PKIA: variants seen among roughly 807,000 people sequenced by gnomAD.
The protein encoded by PKIA is PKI-alpha.
In PKIA, 4 loss-of-function variants were observed where a neutral mutation model predicts 7.6. The observed-to-expected ratio is 0.52, with a 90% CI of 0.26 to 1.20. The LOEUF (loss-of-function observed/expected upper bound fraction) is 1.20, where lower values mean the gene tolerates loss of function less well. Among genes scored for constraint, PKIA ranks in the 50% most tolerant of loss-of-function variants. The pLI, the probability that PKIA is intolerant of heterozygous loss-of-function variation, is 0.13. For missense variants in PKIA, 73 were observed against 86.2 expected (o/e 0.85, Z 0.61); for synonymous variants, 21 against 30.7 (o/e 0.68, Z 1.04).
intron 1 of PKIA, among the ~76,000 whole-genome samples, chr8:78,571,552 TG>T (rs1203198493): frequency 2.6e-5 from 4 of 152,222 alleles, no homozygotes. Flanking sequence ...CACCCACTGG[TG>T]GGGATAACCC....
intron 2 of PKIA, among the ~76,000 whole-genome samples, chr8:78,591,029 T>C (rs958714653): frequency 4.6e-5 from 7 of 152,238 alleles, no homozygotes; most frequent in African/African-American, 1.7e-4. Context: ...CTTTCTTTCT[T>C]ACTTAAAAGG....
rs543832058 is a variant in PKIA at position 78,601,996 on chromosome 8, T to G, written c.*175T>G. On this transcript the variant is annotated 3_prime_UTR_variant, in exon 4 of 4. Coordinates refer to ENST00000396418, the MANE Select transcript of PKIA (RefSeq NM_006823.4). ...GCAGAGGCTGTGGCTGCAGGCAGACTTTTCCCTACCTCTGTCATTAGCAAT... is the reference window on the plus strand; with the variant it reads ...GCAGAGGCTGTGGCTGCAGGCAGACGTTTCCCTACCTCTGTCATTAGCAAT... 3.4e-6 allele frequency: 2 copies of G among 586,452 alleles called. No individual in the cohort carries two copies. The highest frequency in any genetic ancestry group is 4.3e-5 in the South Asian group (2 of 46,502). 36.3% of individuals were successfully genotyped at this position (586,452 alleles called of 1,614,324 possible).
At chr8:78,569,956 T>TA (rs1807507155) in intron 1 of PKIA, among the ~76,000 whole-genome samples, 1 of 152,024 alleles carries the variant, frequency 6.6e-6, no homozygotes, top group African/African-American at 2.4e-5. Flanking sequence ...ACCAAATAGA[T>TA]AAATAGAATT....
At chr8:78,545,468 C>T (rs901484751) in intron 1 of PKIA, among the ~76,000 whole-genome samples, 6 of 151,818 alleles carry the variant, frequency 4.0e-5, no homozygotes, top group African/African-American at 9.7e-5. Flanking sequence ...ACAGTAACTC[C>T]GATAAACAGT....
intron 1 of PKIA, among the ~76,000 whole-genome samples, chr8:78,516,683 C>T (rs1347406188): frequency 6.6e-6 from 1 of 152,208 alleles, no homozygotes. Context: ...GTTCTTGCCT[C>T]TATACTCTTT....
intron 1 of PKIA, among the ~76,000 whole-genome samples, chr8:78,524,534 T>G (rs1205870600): frequency 6.6e-6 from 1 of 151,724 alleles, no homozygotes; most frequent in African/African-American, 2.4e-5. Flanking sequence ...CCATATTTAT[T>G]AGAATTACCT....
At chr8:78,596,891 T>G (rs1040505323) in intron 2 of PKIA, among the ~76,000 whole-genome samples, 1 of 152,212 alleles carries the variant, frequency 6.6e-6, no homozygotes, top group Non-Finnish European at 1.5e-5. Flanking sequence ...CAGTCTTCAA[T>G]CTACATGTGG....
At chr8:78,570,678 T>C (rs928359196) in intron 1 of PKIA, among the ~76,000 whole-genome samples, 3 of 152,176 alleles carry the variant, frequency 2.0e-5, no homozygotes, top group Admixed American at 1.3e-4. Context: ...CACTCTTTCA[T>C]ACATACACAA....
chr8:78,567,441 G>A (rs557827958), intron 1 of PKIA, among the ~76,000 whole-genome samples: 21 of 151,974 alleles, frequency 1.4e-4, no homozygotes, highest in Admixed American at 7.9e-4. Context: ...TATTTTGTAC[G>A]ATGCCCCACT....
chr8:78,534,277 G>A (rs1483718841), intron 1 of PKIA: 2 of 152,072 alleles, frequency 1.3e-5, no homozygotes, highest in Non-Finnish European at 2.9e-5. Context: ...CTATTGACTC[G>A]GGTTCAAAGT....
intron 2 of PKIA, among the ~76,000 whole-genome samples, chr8:78,578,796 G>C (rs573538371): frequency 6.6e-6 from 1 of 151,822 alleles, no homozygotes; most frequent in South Asian, 2.1e-4. Flanking sequence ...ACGGTTTTCT[G>C]TCTGTGCACA....
chr8:78,544,216 C>T (rs1396762532), intron 1 of PKIA, among the ~76,000 whole-genome samples: 1 of 152,164 alleles, frequency 6.6e-6, no homozygotes, highest in African/African-American at 2.4e-5. Flanking sequence ...CAACTTACTT[C>T]AACAGCCTCA....
At chr8:78,585,067 G>C (rs1245108993) in intron 2 of PKIA, among the ~76,000 whole-genome samples, 3 of 151,678 alleles carry the variant, frequency 2.0e-5, no homozygotes, top group African/African-American at 7.3e-5. Flanking sequence ...CTTGTCTCTT[G>C]GCCAAAATAA....
At chr8:78,600,822 G>T (rs892574448) in intron 3 of PKIA, among the ~76,000 whole-genome samples, 6 of 152,028 alleles carry the variant, frequency 3.9e-5, no homozygotes, top group African/African-American at 1.4e-4. Context: ...AAGAGTAGAG[G>T]AGAAACTGCC....
intron 1 of PKIA, among the ~76,000 whole-genome samples, chr8:78,528,921 A>G (rs1055424247): frequency 6.6e-6 from 1 of 152,092 alleles, no homozygotes; most frequent in Non-Finnish European, 1.5e-5. Flanking sequence ...TATTAATTTT[A>G]ATACTAGTTT....
intron 1 of PKIA, among the ~76,000 whole-genome samples, chr8:78,567,226 A>G (rs1015509386): frequency 2.6e-5 from 4 of 152,130 alleles, no homozygotes; most frequent in Non-Finnish European, 5.9e-5. Flanking sequence ...ACAAATATTA[A>G]TATATTATCA....
chr8:78,589,418 CATTT>C (rs1808039390), intron 2 of PKIA, among the ~76,000 whole-genome samples: 1 of 152,154 alleles, frequency 6.6e-6, no homozygotes, highest in Non-Finnish European at 1.5e-5. Flanking sequence ...GTACTTCTAA[CATTT>C]TAAACATTTA....
At chr8:78,543,870 T>C (rs1806756574) in intron 1 of PKIA, among the ~76,000 whole-genome samples, 1 of 152,156 alleles carries the variant, frequency 6.6e-6, no homozygotes, top group South Asian at 2.1e-4. Context: ...ATCCTGGCAC[T>C]TCAGGCATTT....
chr8:78,593,267 C>T (rs946715675), intron 2 of PKIA, among the ~76,000 whole-genome samples: 3 of 152,016 alleles, frequency 2.0e-5, no homozygotes, highest in African/African-American at 4.8e-5. Context: ...AGATTACAGG[C>T]GTGCACCACT....
Sources: gnomAD v4.1 joint callset for allele counts (sites outside exome capture counted in the v4.1 genomes callset) on GRCh38, gnomAD v4.1.1 for gene constraint, MANE v1.5 for transcripts, NCBI Gene and HGNC (gene_info 2026-07-23, HGNC 2026-07-21) for gene names.